The following AGBL4 variants were observed in gnomAD, a reference collection of about 807,000 sequenced individuals.
The protein encoded by AGBL4 is AGBL carboxypeptidase 4.
Under a neutral mutation model 66.4 loss-of-function variants are expected in AGBL4, and 58 were observed. The ratio of observed to expected loss-of-function variants is 0.87; its 90% CI spans 0.71 to 1.09. AGBL4 has a LOEUF of 1.09. AGBL4 is among the 50% of genes least tolerant of loss of function. The pLI, the probability that AGBL4 is intolerant of heterozygous loss-of-function variation, is 0.00. For missense variants in AGBL4, 579 were observed against 631.0 expected (o/e 0.92, Z 0.88); for synonymous variants, 234 against 222.9 (o/e 1.05, Z -0.44).
intron 3 of AGBL4, among the ~76,000 whole-genome samples, chr1:49,500,118 G>C (rs1033262733): frequency 6.6e-6 from 1 of 151,984 alleles, no homozygotes; most frequent in Non-Finnish European, 1.5e-5. Flanking sequence ...GCATTTTCCT[G>C]ATTATTAGTG....
At chr1:49,589,728 G>A (rs1261194068) in intron 3 of AGBL4, among the ~76,000 whole-genome samples, 1 of 152,056 alleles carries the variant, frequency 6.6e-6, no homozygotes, top group African/African-American at 2.4e-5. Flanking sequence ...AGAGTGAAAT[G>A]AGCAGTATTA....
chr1:48,770,865 C>T (rs1403792773), intron 6 of AGBL4, among the ~76,000 whole-genome samples: 1 of 152,184 alleles, frequency 6.6e-6, no homozygotes, highest in South Asian at 2.1e-4. Context: ...ACCACCACCA[C>T]CTTAGTTTAG....
intron 6 of AGBL4, among the ~76,000 whole-genome samples, chr1:48,856,651 G>T (rs145182654): frequency 3.3e-5 from 5 of 152,272 alleles, no homozygotes; most frequent in African/African-American, 1.2e-4. Context: ...GCCCAGAGTT[G>T]TCATGTACTG....
At chr1:49,553,060 C>G (rs1452042525) in intron 3 of AGBL4, among the ~76,000 whole-genome samples, 1 of 151,892 alleles carries the variant, frequency 6.6e-6, no homozygotes, top group Admixed American at 6.6e-5. Context: ...GTATGAAAGG[C>G]TATGAAAACA....
At position 49,287,591 on chromosome 1, in the gene AGBL4, CA is replaced by C. The variant is rs1022386708; in HGVS notation, c.283-41728del. ...CACTTCTCAAAAGAAGACATTTATG[CA>C]GCCAAAAAACACATGAAGAAATGCT... is the stretch of plus-strand genomic sequence containing the variant. On this transcript the variant is annotated intron_variant, in intron 3 of 13. Transcript: ENST00000371839. Among the ~76,000 whole-genome samples the C allele has an allele frequency of 4.1e-3, 631 of 152,220 alleles. 4 individuals are homozygous for C. Among genetic ancestry groups the C allele is most frequent in the Middle Eastern group, 0.014 (4 of 292 alleles).
chr1:49,394,058 C>G (rs1301116867), intron 3 of AGBL4, among the ~76,000 whole-genome samples: 1 of 151,916 alleles, frequency 6.6e-6, no homozygotes, highest in African/African-American at 2.4e-5. Flanking sequence ...GATTACTCTA[C>G]TGCTGACTGG....
intron 5 of AGBL4, among the ~76,000 whole-genome samples, chr1:48,878,956 C>T (rs866534913): frequency 1.1e-4 from 16 of 152,212 alleles, no homozygotes; most frequent in Middle Eastern, 3.4e-3. Context: ...CTCCATTCCA[C>T]GCTGATTGAC....
chr1:49,576,451 G>C (rs1362289443), intron 3 of AGBL4, among the ~76,000 whole-genome samples: 1 of 152,180 alleles, frequency 6.6e-6, no homozygotes, highest in Non-Finnish European at 1.5e-5. Context: ...TGGGATTTTG[G>C]AGCAAGGCCC....
At chr1:49,475,920 G>A (rs1471497873) in intron 3 of AGBL4, among the ~76,000 whole-genome samples, 1 of 151,980 alleles carries the variant, frequency 6.6e-6, no homozygotes, top group Non-Finnish European at 1.5e-5. Context: ...GGGAGTCTCA[G>A]TTTCATTTAG....
rs142804078 is a variant in AGBL4, at chr1:48,699,865, T to A, written c.635-36624A>T. On this transcript the variant is annotated intron_variant, in intron 6 of 13. Coordinates refer to ENST00000371839, the MANE Select transcript of AGBL4 (RefSeq NM_032785.4). ...TCTTGTCTCAGGGTCTGCTCTGGGA[T>A]AACCCAAACCATGCACTCTCATGAT... Among the ~76,000 whole-genome samples the A allele has an allele frequency of 4.4e-3, 677 of 152,160 alleles. 5 individuals are homozygous for A. The highest frequency in any genetic ancestry group is 0.015 in the African/African-American group (639 of 41,538).
At chr1:49,598,580 T>G (rs1009137512) in intron 3 of AGBL4, among the ~76,000 whole-genome samples, 4 of 152,124 alleles carry the variant, frequency 2.6e-5, no homozygotes, top group Non-Finnish European at 4.4e-5. Context: ...CTGGAAGTTT[T>G]GTCTCAGAGG....
At chr1:49,423,734 C>T (rs1285788527) in intron 3 of AGBL4, among the ~76,000 whole-genome samples, 1 of 146,218 alleles carries the variant, frequency 6.8e-6, no homozygotes, top group East Asian at 2.1e-4. Context: ...ATCACCTGCA[C>T]GTGGGAGGCG....
chr1:49,824,745 C>T (rs956047708), intron 2 of AGBL4, among the ~76,000 whole-genome samples: 3 of 152,172 alleles, frequency 2.0e-5, no homozygotes, highest in African/African-American at 7.2e-5. Flanking sequence ...ATGTGGAGAA[C>T]TAAAACTGTG....
chr1:49,565,116 C>T (rs2148861319), intron 3 of AGBL4, among the ~76,000 whole-genome samples: 1 of 152,200 alleles, frequency 6.6e-6, no homozygotes, highest in South Asian at 2.1e-4. Flanking sequence ...TTTTCTGAGA[C>T]AGGATTGCAA....
intron 4 of AGBL4, among the ~76,000 whole-genome samples, chr1:49,107,265 T>C (rs1369943801): frequency 6.6e-6 from 1 of 152,168 alleles, no homozygotes; most frequent in East Asian, 1.9e-4. Flanking sequence ...TAGTATAAAA[T>C]AGGCTTTGAG....
chr1:48,765,631 T>C (rs1644492773), intron 6 of AGBL4, among the ~76,000 whole-genome samples: 1 of 152,188 alleles, frequency 6.6e-6, no homozygotes, highest in Admixed American at 6.5e-5. Flanking sequence ...CATAACAGCA[T>C]TATTCATTAA....
At chr1:49,884,755 T>C (rs1034075202) in intron 1 of AGBL4, among the ~76,000 whole-genome samples, 1 of 151,868 alleles carries the variant, frequency 6.6e-6, no homozygotes, top group Non-Finnish European at 1.5e-5. Context: ...TATGCCTTGC[T>C]GACATTGGTT....
intron 1 of AGBL4, among the ~76,000 whole-genome samples, chr1:50,022,012 T>C (rs1398989525): frequency 6.6e-6 from 1 of 152,148 alleles, no homozygotes; most frequent in Admixed American, 6.5e-5. Context: ...CCTGCTTGGG[T>C]TCTTTGCACA....
intron 4 of AGBL4, among the ~76,000 whole-genome samples, chr1:49,086,874 T>C (rs1203818811): frequency 6.6e-6 from 1 of 151,832 alleles, no homozygotes; most frequent in Non-Finnish European, 1.5e-5. Context: ...GGGAGCCCCA[T>C]GGACCAGAGC....
Sources: allele counts gnomAD v4.1 joint callset (sites outside exome capture counted in the v4.1 genomes callset), GRCh38; gene constraint gnomAD v4.1.1; transcripts MANE v1.5; gene names NCBI Gene and HGNC (gene_info 2026-07-23, HGNC 2026-07-21).